Variants in PTPRD observed in about 807,000 individuals in gnomAD.
PTPRD encodes the protein protein tyrosine phosphatase receptor type D.
Under a neutral mutation model 214.5 loss-of-function variants are expected in PTPRD, and 34 were observed. The ratio of observed to expected loss-of-function variants is 0.16; its 90% CI spans 0.12 to 0.21. The LOEUF (loss-of-function observed/expected upper bound fraction) is 0.21. Ranked by LOEUF, PTPRD falls within the 10% of genes least tolerant of loss-of-function variation. PTPRD has a pLI of 1.00. For missense variants in PTPRD, 2,545 were observed against 2,398.7 expected (o/e 1.06, Z -1.27); for synonymous variants, 1,128 against 845.7 (o/e 1.33, Z -5.79).
At chr9:9,379,570 A>T (rs2061630704) in intron 9 of PTPRD, among the ~76,000 whole-genome samples, 2 of 152,026 alleles carry the variant, frequency 1.3e-5, no homozygotes, top group African/African-American at 4.8e-5. Context: ...AGTATCCATA[A>T]ATTAACCTTC....
At chr9:9,743,301 G>A (rs2098423289) in intron 6 of PTPRD, among the ~76,000 whole-genome samples, 1 of 152,270 alleles carries the variant, frequency 6.6e-6, no homozygotes, top group African/African-American at 2.4e-5. Context: ...GAACCAAAAT[G>A]TCAAGAGTCT....
intron 9 of PTPRD, among the ~76,000 whole-genome samples, chr9:9,353,064 G>C (rs943270871): frequency 6.6e-6 from 1 of 151,856 alleles, no homozygotes; most frequent in Admixed American, 6.6e-5. Context: ...GAAATCATGT[G>C]GGAGCCCTCT....
intron 2 of PTPRD, among the ~76,000 whole-genome samples, chr9:10,512,512 G>T (rs77241342): frequency 1.3e-5 from 2 of 152,104 alleles, no homozygotes; most frequent in Non-Finnish European, 2.9e-5. Flanking sequence ...TGGTGGGTTG[G>T]GGGGAATGGA....
intron 11 of PTPRD, among the ~76,000 whole-genome samples, chr9:8,934,439 ATATATATAAATT>A (rs1446623505): frequency 5.9e-4 from 26 of 44,180 alleles, no homozygotes; most frequent in Non-Finnish European, 1.0e-3. Flanking sequence ...ATATATAAAT[ATATATATAAATT>A]TATATATATA....
Position 10,241,997 on chromosome 9 carries a change from C to T in PTPRD, c.-545+98966G>A, listed in dbSNP as rs534712784. Among the ~76,000 whole-genome samples the T allele has an allele frequency of 3.1e-4, 47 of 151,958 alleles. 1 individual carries two copies. The South Asian group carries it at 8.9e-3, about 29-fold the overall frequency. On this transcript the variant is annotated intron_variant, in intron 3 of 45. Coordinates refer to ENST00000381196, the MANE Select transcript of PTPRD (RefSeq NM_002839.4). ...TTGTTAAAAGTTAATTTAAACAACA[C>T]GCTGTTTTCATGTCAGCACTGGAGT...
At chr9:8,703,452 G>C (rs539976072) in intron 12 of PTPRD, among the ~76,000 whole-genome samples, 1 of 152,084 alleles carries the variant, frequency 6.6e-6, no homozygotes, top group Admixed American at 6.5e-5. Context: ...TGTCATTAAT[G>C]TCCCTGCTAT....
chr9:9,775,461 A>G (rs550444712), intron 5 of PTPRD, among the ~76,000 whole-genome samples: 1 of 152,320 alleles, frequency 6.6e-6, no homozygotes, highest in African/African-American at 2.4e-5. Flanking sequence ...AATAATTAGA[A>G]TTACAATCAA....
At position 8,618,911 on chromosome 9, in the gene PTPRD, TTTG is replaced by T. The variant is rs1335933110; in HGVS notation, c.352+14403_352+14405del. Among the ~76,000 whole-genome samples the T allele has an allele frequency of 8.9e-4, 94 of 105,788 alleles. 1 individual carries two copies. The highest frequency in any genetic ancestry group is 7.7e-3 in the East Asian group (27 of 3,528). 69.4% of individuals were successfully genotyped at this position (105,788 alleles called of 152,430 possible). A position where few individuals can be genotyped will look rare whatever the true frequency, so the allele number is the denominator to read the frequency against. ...GTGTGTGTGTGTTTGTCTGTGTTTTTTTGTTTTTTTTTTTTTTTTTTTTTTTTT... is the reference window on the plus strand; with the variant it reads ...GTGTGTGTGTGTTTGTCTGTGTTTTTTTTTTTTTTTTTTTTTTTTTTTTTT... On this transcript the variant is annotated intron_variant, in intron 14 of 45. Coordinates refer to ENST00000381196, the MANE Select transcript of PTPRD (RefSeq NM_002839.4).
chr9:10,299,013 T>A (rs140079807), intron 3 of PTPRD, among the ~76,000 whole-genome samples: 2 of 152,268 alleles, frequency 1.3e-5, no homozygotes, highest in Non-Finnish European at 2.9e-5. Flanking sequence ...GTCACTACAT[T>A]ATTAAGCTAA....
intron 3 of PTPRD, among the ~76,000 whole-genome samples, chr9:10,256,501 C>A (rs1263240236): frequency 6.6e-6 from 1 of 151,694 alleles, no homozygotes; most frequent in African/African-American, 2.4e-5. Context: ...CTTATGGGAC[C>A]ATTGGGGTAT....
intron 8 of PTPRD, among the ~76,000 whole-genome samples, chr9:9,431,690 G>T (rs1174933496): frequency 2.6e-5 from 4 of 152,056 alleles, no homozygotes; most frequent in Admixed American, 2.6e-4. Flanking sequence ...TTAAGAAAAT[G>T]TGGCACATAT....
intron 6 of PTPRD, among the ~76,000 whole-genome samples, chr9:9,750,325 CA>C (rs201149980): frequency 4.7e-5 from 7 of 150,364 alleles, no homozygotes; most frequent in African/African-American, 7.3e-5. Flanking sequence ...TCAAGCCATC[CA>C]AAAAAAAAGA....
intron 11 of PTPRD, among the ~76,000 whole-genome samples, chr9:9,011,490 C>T (rs562913295): frequency 6.6e-6 from 1 of 152,092 alleles, no homozygotes; most frequent in South Asian, 2.1e-4. Flanking sequence ...GTGAGGTGTA[C>T]ATTAAGAAAA....
At chr9:9,048,302 G>A (rs548377869) in intron 10 of PTPRD, among the ~76,000 whole-genome samples, 2 of 152,120 alleles carry the variant, frequency 1.3e-5, no homozygotes, top group East Asian at 3.9e-4. Flanking sequence ...TGCTGCTGGG[G>A]TATATACCCA....
chr9:10,496,716 G>A (rs991361231), intron 2 of PTPRD, among the ~76,000 whole-genome samples: 2 of 151,962 alleles, frequency 1.3e-5, no homozygotes, highest in Admixed American at 6.6e-5. Context: ...GTGATGTTGA[G>A]CATTTTTGCA....
At chr9:10,087,318 T>C (rs2098359810) in intron 3 of PTPRD, among the ~76,000 whole-genome samples, 1 of 151,662 alleles carries the variant, frequency 6.6e-6, no homozygotes, top group South Asian at 2.1e-4. Flanking sequence ...AAAGATAGCA[T>C]TAGGACTCAA....
chr9:8,444,410 T>C (rs1216393820), intron 34 of PTPRD, among the ~76,000 whole-genome samples: 2 of 152,142 alleles, frequency 1.3e-5, no homozygotes, highest in African/African-American at 2.4e-5. Context: ...TATTATATCA[T>C]TTAAATAACT....
At chr9:9,416,221 G>C (rs1266581041) in intron 8 of PTPRD, among the ~76,000 whole-genome samples, 1 of 152,052 alleles carries the variant, frequency 6.6e-6, no homozygotes, top group East Asian at 1.9e-4. Context: ...CCCCAGATCG[G>C]TTCTCTTGTC....
At chr9:8,837,992 G>T (rs537700881) in intron 11 of PTPRD, among the ~76,000 whole-genome samples, 21 of 152,040 alleles carry the variant, frequency 1.4e-4, no homozygotes, top group Non-Finnish European at 2.6e-4. Context: ...ATGAATTAAG[G>T]CTTCTTGGTT....
Sources: gnomAD v4.1 joint callset for allele counts (sites outside exome capture counted in the v4.1 genomes callset) on GRCh38, gnomAD v4.1.1 for gene constraint, MANE v1.5 for transcripts, NCBI Gene and HGNC (gene_info 2026-07-23, HGNC 2026-07-21) for gene names.